PHACTR1: variants seen among roughly 807,000 people sequenced by gnomAD.
The protein encoded by PHACTR1 is RPEL repeat containing 1.
In PHACTR1, 16 loss-of-function variants were observed where a neutral mutation model predicts 69.2. The ratio of observed to expected loss-of-function variants is 0.23; its 90% CI spans 0.16 to 0.35. PHACTR1 has a LOEUF of 0.35. Among genes scored for constraint, PHACTR1 ranks in the 10% least tolerant of loss-of-function variants. The pLI is 1.00. For missense variants in PHACTR1, 510 were observed against 734.7 expected (o/e 0.69, Z 3.54); for synonymous variants, 312 against 284.5 (o/e 1.10, Z -0.97).
chr6:12,782,743 A>G (rs1770997891), intron 4 of PHACTR1, among the ~76,000 whole-genome samples: 1 of 152,240 alleles, frequency 6.6e-6, no homozygotes, highest in Non-Finnish European at 1.5e-5. Context: ...TTAGACAGGC[A>G]AAGTAACAGA....
chr6:13,119,917 G>T (rs1489229615), intron 5 of PHACTR1, among the ~76,000 whole-genome samples: 1 of 152,088 alleles, frequency 6.6e-6, no homozygotes, highest in Non-Finnish European at 1.5e-5. Flanking sequence ...ATTTTTCCTT[G>T]TATGGAAACA....
chr6:13,014,845 C>G (rs981538625), intron 4 of PHACTR1, among the ~76,000 whole-genome samples: 1 of 152,220 alleles, frequency 6.6e-6, no homozygotes, highest in Non-Finnish European at 1.5e-5. Context: ...GCCAGCGACT[C>G]TGGGCAGGAG....
intron 5 of PHACTR1, among the ~76,000 whole-genome samples, chr6:13,070,119 A>G (rs766767004): frequency 6.6e-6 from 1 of 152,120 alleles, no homozygotes; most frequent in Non-Finnish European, 1.5e-5. Flanking sequence ...CTATGAAATG[A>G]TTATCATTGC....
At chr6:13,178,951 A>G (rs914745726) in intron 6 of PHACTR1, among the ~76,000 whole-genome samples, 7 of 152,168 alleles carry the variant, frequency 4.6e-5, no homozygotes, top group Admixed American at 2.6e-4. Flanking sequence ...AACATTATCA[A>G]TTGGCTGGGT....
At chr6:12,909,646 A>G (rs756260392) in intron 4 of PHACTR1, among the ~76,000 whole-genome samples, 1 of 152,210 alleles carries the variant, frequency 6.6e-6, no homozygotes, top group Non-Finnish European at 1.5e-5. Context: ...ACAATGGCCC[A>G]TGTATCCCCT....
chr6:13,278,457 C>A, intron 12 of PHACTR1, 128 bp downstream of exon 12: 1 of 747,398 alleles, frequency 1.3e-6, no homozygotes, highest in Non-Finnish European at 2.2e-6. Context: ...GAGAGTGCCA[C>A]TCTCTTACTC....
intron 4 of PHACTR1, among the ~76,000 whole-genome samples, chr6:12,867,016 G>C (rs911145544): frequency 6.6e-6 from 1 of 152,126 alleles, no homozygotes; most frequent in Non-Finnish European, 1.5e-5. Flanking sequence ...TTAGCTAATA[G>C]TTTGGAACCT....
chr6:13,093,625 T>A (rs776052660), intron 5 of PHACTR1, among the ~76,000 whole-genome samples: 2 of 152,238 alleles, frequency 1.3e-5, no homozygotes, highest in Non-Finnish European at 2.9e-5. Context: ...GACTGATAAC[T>A]GGGCCTCCTT....
At chr6:12,766,129 G>A (rs183411150) in intron 4 of PHACTR1, among the ~76,000 whole-genome samples, 103 of 152,150 alleles carry the variant, frequency 6.8e-4, no homozygotes, top group Admixed American at 2.6e-3. Context: ...TTCTGAAAAC[G>A]ATACCTGAAC....
chr6:12,884,993 G>A (rs1783493114), intron 4 of PHACTR1, among the ~76,000 whole-genome samples: 1 of 152,172 alleles, frequency 6.6e-6, no homozygotes, highest in Non-Finnish European at 1.5e-5. Context: ...TATTGGAGTC[G>A]AGTCCTAGAG....
chr6:13,223,505 A>G (rs921512374), intron 8 of PHACTR1, among the ~76,000 whole-genome samples: 1 of 152,136 alleles, frequency 6.6e-6, no homozygotes, highest in African/African-American at 2.4e-5. Context: ...AATAGTTATA[A>G]ATAATGATGC....
At chr6:12,969,743 C>T (rs1793948594) in intron 4 of PHACTR1, among the ~76,000 whole-genome samples, 1 of 152,122 alleles carries the variant, frequency 6.6e-6, no homozygotes, top group Non-Finnish European at 1.5e-5. Flanking sequence ...AGGCGGATCA[C>T]TTGAGGTCAG....
chr6:13,150,663 A>T (rs933301876), intron 5 of PHACTR1, among the ~76,000 whole-genome samples: 6 of 152,080 alleles, frequency 3.9e-5, no homozygotes, highest in Non-Finnish European at 7.4e-5. Flanking sequence ...TGACAACCTT[A>T]TTTATTTTCT....
chr6:13,218,448 A>G (rs1768012403), intron 8 of PHACTR1, among the ~76,000 whole-genome samples: 1 of 152,222 alleles, frequency 6.6e-6, no homozygotes, highest in African/African-American at 2.4e-5. Flanking sequence ...GACTGAAAGT[A>G]AAGTCTGGGC....
At chr6:13,242,090 T>C (rs1370752911) in intron 10 of PHACTR1, among the ~76,000 whole-genome samples, 1 of 142,016 alleles carries the variant, frequency 7.0e-6, no homozygotes, top group Non-Finnish European at 1.5e-5. Context: ...AACAGGAAAA[T>C]CCTAAATCCC....
chr6:12,893,749 C>A (rs920218579), intron 4 of PHACTR1, among the ~76,000 whole-genome samples: 3 of 152,210 alleles, frequency 2.0e-5, no homozygotes, highest in Non-Finnish European at 2.9e-5. Flanking sequence ...GCAGATGCTA[C>A]TTCTCCCTCA....
rs139837643 is a variant in PHACTR1 at position 12,924,667 on chromosome 6, C to T, written c.251-128698C>T. On this transcript the variant is annotated intron_variant, in intron 4 of 14. Transcript: ENST00000332995. The stretch of plus-strand genomic sequence containing the variant: ...GCAGGCACCTGTAGTCCCAGCTACT[C>T]GGGAGGCTGAGGTAAGAGAATGGCA... Among the ~76,000 whole-genome samples the T allele has an allele frequency of 3.5e-3, 536 of 151,294 alleles. 5 individuals are homozygous for T. Among genetic ancestry groups the T allele is most frequent in the African/African-American group, 0.012 (502 of 41,176 alleles).
intron 4 of PHACTR1, among the ~76,000 whole-genome samples, chr6:12,949,147 G>A (rs1038439897): frequency 2.0e-5 from 3 of 151,964 alleles, no homozygotes; most frequent in African/African-American, 7.3e-5. Context: ...GTGCATGCCT[G>A]TAATCCCAGC....
chr6:12,731,059 A>G (rs1284884804), intron 3 of PHACTR1, among the ~76,000 whole-genome samples: 1 of 149,824 alleles, frequency 6.7e-6, no homozygotes, highest in Admixed American at 6.7e-5. Context: ...TCTGTTGCCC[A>G]GGCTGGAGTG....
Sources: allele counts gnomAD v4.1 joint callset (sites outside exome capture counted in the v4.1 genomes callset), GRCh38; gene constraint gnomAD v4.1.1; transcripts MANE v1.5; gene names NCBI Gene and HGNC (gene_info 2026-07-23, HGNC 2026-07-21).